PLA2R1: variants seen among roughly 807,000 people sequenced by gnomAD.
The protein encoded by PLA2R1 is phospholipase A2 receptor 1, also known as secretory phospholipase A2 receptor.
In PLA2R1, 158 loss-of-function variants were observed where a neutral mutation model predicts 195.9. The ratio of observed to expected loss-of-function variants is 0.81; its 90% CI spans 0.71 to 0.92. The LOEUF (loss-of-function observed/expected upper bound fraction) is 0.92, where lower values mean the gene tolerates loss of function less well. PLA2R1 is among the 40% of genes least tolerant of loss of function. The pLI, the probability that PLA2R1 is intolerant of heterozygous loss-of-function variation, is 0.00. For synonymous variants in PLA2R1, 586 were observed against 598.2 expected (o/e 0.98, Z 0.30); for missense variants, 1,626 against 1,764.6 (o/e 0.92, Z 1.41).
intron 18 of PLA2R1, among the ~76,000 whole-genome samples, chr2:159,969,667 C>T (rs1284385340): frequency 6.6e-6 from 1 of 152,074 alleles, no homozygotes; most frequent in Admixed American, 6.6e-5. Context: ...TTAGCCCCCC[C>T]AAGTAGCTGG....
chr2:159,977,167 T>G, intron 15 of PLA2R1, 117 bp downstream of exon 15: 2 of 757,574 alleles, frequency 2.6e-6, no homozygotes, highest in African/African-American at 1.7e-5. Flanking sequence ...GCTAAAGTAG[T>G]GTAATTTATT....
At chr2:159,946,949 T>G in intron 26 of PLA2R1, 32 bp from the exon 27 acceptor site, 1 of 1,319,336 alleles carries the variant, frequency 7.6e-7, no homozygotes, top group Non-Finnish European at 1.1e-6. Flanking sequence ...AAGGAATATT[T>G]GTGTTTACAC....
chr2:160,011,010 A>AT (rs1692323056), intron 10 of PLA2R1, among the ~76,000 whole-genome samples: 1 of 152,232 alleles, frequency 6.6e-6, no homozygotes, highest in Non-Finnish European at 1.5e-5. Flanking sequence ...CAAGACTGGG[A>AT]TAAAAACAAA....
intron 10 of PLA2R1, among the ~76,000 whole-genome samples, chr2:160,010,049 G>A (rs1692256190): frequency 6.6e-6 from 1 of 152,182 alleles, no homozygotes; most frequent in Non-Finnish European, 1.5e-5. Context: ...GGTCAAAGCT[G>A]CAGTGAGTCA....
chr2:160,034,258 C>T (rs897940805), intron 3 of PLA2R1, among the ~76,000 whole-genome samples: 2 of 152,108 alleles, frequency 1.3e-5, no homozygotes, highest in Non-Finnish European at 2.9e-5. Context: ...CTGGTTGCAA[C>T]ACACATTCCA....
rs1351052481 is a variant in PLA2R1, at chr2:160,028,932, C to T, written c.873G>A (p.Trp291Ter). ...EHMSSKTVEV[W>*]MGLNQLDEHA... is the part of the protein sequence containing the mutation. ...GTTCATCCAGCTGATTGAGGCCCAT[C>T]CACACCTCCACTGTTTTACTGCTCA... Residue 291 changes from tryptophan (W) to a stop codon, truncating the protein, a stop_gained, in exon 5 of 30, where the codon TGG becomes TGA. Coordinates refer to ENST00000283243, the MANE Select transcript of PLA2R1 (RefSeq NM_007366.5). LOFTEE classifies it high-confidence loss of function. The T allele has an allele frequency of 6.2e-7, 1 of 1,601,158 alleles. No homozygotes were observed. Among genetic ancestry groups the T allele is most frequent in the African/African-American group, 1.3e-5 (1 of 74,858 alleles).
At position 159,949,657 on chromosome 2, in the gene PLA2R1, G is replaced by C. The variant is rs1295370895; in HGVS notation, c.3660C>G (p.Ser1220Arg). 1.2e-6 allele frequency: 2 copies of C among 1,614,000 alleles called. No individual in the cohort carries two copies. Among genetic ancestry groups the C allele is most frequent in the Non-Finnish European group, 1.7e-6 (2 of 1,179,860 alleles). ...VFADSNGRWH[S>R]TACESFLQGA... ...CTTGCAGAAATGACTCGCAGGCTGT[G>C]CTATGCCAGCGTCCGTTGCTGTCGG... Residue 1220 changes from serine (S) to arginine (R), a missense_variant, in exon 25 of 30, where the codon AGC (serine) becomes AGG (arginine). Physicochemically the swap from Ser to Arg is moderately radical, Grantham distance 110. Coordinates refer to ENST00000283243, the MANE Select transcript of PLA2R1 (RefSeq NM_007366.5).
Position 160,028,341 on chromosome 2 carries a change from CA to C in PLA2R1, c.975del (p.Phe325LeufsTer34). ...NWSPEVNFEP[F>X]VEDHCGTFSS... ...CTAAATGTTCCACAGTGATCTTCAA[CA>C]AATGGCTCAAAATTTACCTCTGAAA... On this transcript the variant is annotated frameshift_variant, in exon 6 of 30. Coordinates refer to ENST00000283243, the MANE Select transcript of PLA2R1 (RefSeq NM_007366.5). LOFTEE classifies it high-confidence loss of function. 1 of 1,608,786 alleles carries C rather than the reference CA, an allele frequency of 6.2e-7. No individual in the cohort carries two copies. Among genetic ancestry groups the C allele is most frequent in the Non-Finnish European group, 8.5e-7 (1 of 1,176,842 alleles).
intron 6 of PLA2R1, among the ~76,000 whole-genome samples, chr2:160,027,756 T>C (rs953863385): frequency 2.6e-5 from 4 of 152,204 alleles, no homozygotes; most frequent in Non-Finnish European, 2.9e-5. Flanking sequence ...AAGTATTAAC[T>C]CCATCTAAAA....
intron 20 of PLA2R1, among the ~76,000 whole-genome samples, chr2:159,966,598 C>T (rs1422172956): frequency 6.6e-6 from 1 of 152,024 alleles, no homozygotes; most frequent in African/African-American, 2.4e-5. Context: ...GGTGGGTACT[C>T]AATGAATGTG....
At chr2:160,041,924 C>T in intron 3 of PLA2R1, 101 bp downstream of exon 3, 1 of 951,276 alleles carries the variant, frequency 1.1e-6, no homozygotes, top group Non-Finnish European at 1.6e-6. Context: ...CTTATTCAGA[C>T]TTCAATATAT....
rs1470637764 is a variant in PLA2R1, at chr2:159,940,806, A to C, written c.*972T>G. 6.6e-6 allele frequency: 1 copy of C among 152,254 alleles called. No individual in the cohort carries two copies. The allele number at this position is 152,254 out of a possible 1,614,324, so 9.4% of individuals were successfully genotyped here. A position where few individuals can be genotyped will look rare whatever the true frequency, so the allele number is the denominator to read the frequency against. ...ACTCATTTACATAATAAAGATATCTAGATTACTAATTTATTTAGTACTTCT... is the reference window on the plus strand; with the variant it reads ...ACTCATTTACATAATAAAGATATCTCGATTACTAATTTATTTAGTACTTCT... On this transcript the variant is annotated 3_prime_UTR_variant, in exon 30 of 30. Transcript: ENST00000283243.
At position 159,987,288 on chromosome 2, in the gene PLA2R1, C is replaced by G; in HGVS notation, c.1905G>C (p.Arg635=). 2 of 1,612,870 alleles carry G rather than the reference C, an allele frequency of 1.2e-6. No individual in the cohort carries two copies. Among genetic ancestry groups the G allele is most frequent in the South Asian group, 2.2e-5 (2 of 91,020 alleles). Residue 635 remains arginine (R), a synonymous_variant, in exon 12 of 30, where the codon CGG becomes CGC. Coordinates refer to ENST00000283243, the MANE Select transcript of PLA2R1 (RefSeq NM_007366.5). ...PLGRWEVKHC[R]HFKAMSLCKQ... ...TGCACAAGGACATTGCCTTAAAGTG[C>G]CGACAGTGCTTCACTTCCCAGCGAC...
At chr2:159,978,731 TA>T (rs1369927663) in intron 14 of PLA2R1, among the ~76,000 whole-genome samples, 1 of 152,228 alleles carries the variant, frequency 6.6e-6, no homozygotes, top group Non-Finnish European at 1.5e-5. Flanking sequence ...TTGGTTTCTT[TA>T]TCAGAAAAAT....
At chr2:159,931,061 A>G (rs1378213632), downstream of PLA2R1, among the ~76,000 whole-genome samples, 3 of 152,210 alleles carry the variant, frequency 2.0e-5, no homozygotes, top group Non-Finnish European at 4.4e-5. Context: ...GAACAGCTGA[A>G]GCCGCAGCTT....
chr2:160,053,932 AC>A (rs1431758155), intron 1 of PLA2R1, among the ~76,000 whole-genome samples: 4 of 152,212 alleles, frequency 2.6e-5, no homozygotes, highest in African/African-American at 9.7e-5. Flanking sequence ...GGAGCTTTAA[AC>A]CCTAAGTGGA....
rs972356025 is a variant in PLA2R1, at chr2:159,941,160, T to C, written c.*618A>G. On this transcript the variant is annotated 3_prime_UTR_variant, in exon 30 of 30. Transcript: ENST00000283243. ...TGCCATTTAAAAGAAGGTATTTTTC[T>C]TTCTCCTTTAGCTTGAGATGTTAGA... 22 of 152,216 alleles carry C rather than the reference T, an allele frequency of 1.4e-4. No homozygotes were observed. The highest frequency in any genetic ancestry group is 1.4e-3 in the Admixed American group (22 of 15,280). The allele number at this position is 152,216 out of a possible 1,614,324, so 9.4% of individuals were successfully genotyped here.
At chr2:160,016,924 C>T (rs959018191) in intron 8 of PLA2R1, among the ~76,000 whole-genome samples, 1 of 152,146 alleles carries the variant, frequency 6.6e-6, no homozygotes, top group Non-Finnish European at 1.5e-5. Context: ...CAATCTGTAA[C>T]TGGGTGGGCA....
At chr2:159,971,474 G>GCA (rs899674108) in intron 17 of PLA2R1, among the ~76,000 whole-genome samples, 49 of 125,868 alleles carry the variant, frequency 3.9e-4, no homozygotes, top group Non-Finnish European at 1.4e-4. Context: ...GTGTGTGCGC[G>GCA]CACACACACA....
Sources: allele counts gnomAD v4.1 joint callset (sites outside exome capture counted in the v4.1 genomes callset), GRCh38; gene constraint gnomAD v4.1.1; transcripts MANE v1.5; gene names NCBI Gene and HGNC (gene_info 2026-07-23, HGNC 2026-07-21).